Variants in CDK17 observed in about 807,000 individuals in gnomAD.
CDK17 encodes the protein cyclin-dependent kinase 17.
In CDK17, 24 loss-of-function variants were observed where a neutral mutation model predicts 77.6. The ratio of observed to expected loss-of-function variants is 0.31; its 90% CI spans 0.22 to 0.44. The LOEUF is 0.44. Ranked by LOEUF, CDK17 falls within the 20% of genes least tolerant of loss-of-function variation. The pLI is 1.00. For missense variants in CDK17, 429 were observed against 622.5 expected, an observed-to-expected ratio of 0.69 and a Z score of 3.31; for synonymous variants, 203 against 210.4, an observed-to-expected ratio of 0.96 and a Z score of 0.30.
At chr12:96,361,025 A>AG (rs1953485156) in intron 1 of CDK17, among the ~76,000 whole-genome samples, 1 of 152,218 alleles carries the variant, frequency 6.6e-6, no homozygotes, top group Non-Finnish European at 1.5e-5. Flanking sequence ...AGAGGAACAA[A>AG]GGGAAGTCGT....
At chr12:96,308,013 A>G (rs1952598263) in intron 5 of CDK17, among the ~76,000 whole-genome samples, 1 of 152,164 alleles carries the variant, frequency 6.6e-6, no homozygotes, top group Non-Finnish European at 1.5e-5. Context: ...CAATGTGCTC[A>G]TGGTATATAC....
chr12:96,309,275 T>G (rs1305777140), intron 5 of CDK17, among the ~76,000 whole-genome samples: 1 of 151,576 alleles, frequency 6.6e-6, no homozygotes, highest in Non-Finnish European at 1.5e-5. Flanking sequence ...TACAACACCC[T>G]TCATTCATAG....
chr12:96,282,453 C>T (rs1952189829), intron 15 of CDK17, 56 bp downstream of exon 15: 6 of 1,178,988 alleles, frequency 5.1e-6, no homozygotes, highest in Non-Finnish European at 7.6e-6. Flanking sequence ...CACCCCAGAC[C>T]CTAACCTTGG....
At chr12:96,388,636 A>T (rs1954014587) in intron 1 of CDK17, among the ~76,000 whole-genome samples, 1 of 152,218 alleles carries the variant, frequency 6.6e-6, no homozygotes, top group South Asian at 2.1e-4. Context: ...AATAGTTCTT[A>T]TTTTATAAAG....
intron 1 of CDK17, among the ~76,000 whole-genome samples, chr12:96,397,434 G>T (rs1332099289): frequency 6.6e-6 from 1 of 151,994 alleles, no homozygotes; most frequent in Non-Finnish European, 1.5e-5. Context: ...GGTAACCAGA[G>T]TACATATGAC....
intron 1 of CDK17, among the ~76,000 whole-genome samples, chr12:96,382,724 T>G (rs930328228): frequency 6.6e-6 from 1 of 152,166 alleles, no homozygotes; most frequent in African/African-American, 2.4e-5. Flanking sequence ...ACAATAAATG[T>G]GATTCACCAC....
At chr12:96,347,614 AAGGGAGGG>A (rs1316249704) in intron 1 of CDK17, among the ~76,000 whole-genome samples, 12 of 17,936 alleles carry the variant, frequency 6.7e-4, no homozygotes, top group Admixed American at 3.7e-3. Flanking sequence ...AAGGGAGGGG[AAGGGAGGG>A]GAAGGGAGGG....
rs1952653023 is a variant in CDK17 at position 96,312,165 on chromosome 12, G to T, written c.418-988C>A. ...ATGGTGGTGTGTGCCTGTAGTCCCA[G>T]CTACTTGGGGCTAAGGCAGGAGGAT... On this transcript the variant is annotated intron_variant, in intron 4 of 16. Transcript: ENST00000261211. 2.0e-5 allele frequency among the ~76,000 whole-genome samples: 3 copies of T among 152,132 alleles called. No homozygotes were observed. In the South Asian group the frequency reaches 6.2e-4, roughly 32 times the overall value.
chr12:96,305,757 C>T (rs757138733), intron 5 of CDK17, among the ~76,000 whole-genome samples: 5 of 152,004 alleles, frequency 3.3e-5, no homozygotes, highest in African/African-American at 4.8e-5. Flanking sequence ...CTTGCTCTGT[C>T]GACAAGGCTG....
intron 1 of CDK17, among the ~76,000 whole-genome samples, chr12:96,387,440 C>G (rs769707471): frequency 2.0e-5 from 3 of 152,204 alleles, no homozygotes; most frequent in Admixed American, 6.5e-5. Flanking sequence ...TACACAGTTA[C>G]AAGCATGCCT....
intron 2 of CDK17, among the ~76,000 whole-genome samples, chr12:96,325,907 C>G (rs556720869): frequency 1.3e-5 from 2 of 152,110 alleles, no homozygotes; most frequent in Non-Finnish European, 2.9e-5. Context: ...ACCTGTAGTC[C>G]CAGCTACTCA....
chr12:96,368,318 A>T (rs557468461), intron 1 of CDK17, among the ~76,000 whole-genome samples: 1 of 152,208 alleles, frequency 6.6e-6, no homozygotes, highest in Non-Finnish European at 1.5e-5. Flanking sequence ...AAGTGACTGA[A>T]CTGTTCCCTC....
At chr12:96,280,481 T>C (rs945536650) in intron 16 of CDK17, 2 of 1,410,756 alleles carry the variant, frequency 1.4e-6, no homozygotes, top group Non-Finnish European at 1.8e-6. Context: ...ACCTGATGAC[T>C]AGGGAAGCAC....
rs568903839 is a variant in CDK17 at position 96,313,799 on chromosome 12, T to C, written c.284-345A>G. 8.5e-5 allele frequency among the ~76,000 whole-genome samples: 13 copies of C among 152,296 alleles called. No homozygotes were observed. The East Asian group carries it at 2.3e-3, about 27-fold the overall frequency. On this transcript the variant is annotated intron_variant, in intron 3 of 16. Transcript: ENST00000261211. Reference sequence around the variant, plus strand: ...CTGAGACTTGAAAGGTTAAATGACTTTCAAAAGTTCACAAAGCTTAGATGC... The same window carrying C: ...CTGAGACTTGAAAGGTTAAATGACTCTCAAAAGTTCACAAAGCTTAGATGC...
chr12:96,352,655 A>C (rs1953329149), intron 1 of CDK17, among the ~76,000 whole-genome samples: 1 of 152,160 alleles, frequency 6.6e-6, no homozygotes, highest in African/African-American at 2.4e-5. Flanking sequence ...AACTGAACTG[A>C]CTCAGCCCCT....
intron 1 of CDK17, among the ~76,000 whole-genome samples, chr12:96,388,155 A>T (rs1052767354): frequency 1.3e-5 from 2 of 152,104 alleles, no homozygotes; most frequent in African/African-American, 2.4e-5. Flanking sequence ...CAAGAGTCAT[A>T]AACAAGGAAA....
intron 1 of CDK17, among the ~76,000 whole-genome samples, chr12:96,362,303 C>G (rs1170959778): frequency 1.3e-5 from 2 of 152,104 alleles, no homozygotes; most frequent in African/African-American, 4.8e-5. Context: ...ACTGCAACCT[C>G]TGCCTCCTGG....
intron 1 of CDK17, among the ~76,000 whole-genome samples, chr12:96,356,584 G>A (rs1418309533): frequency 1.3e-5 from 2 of 152,078 alleles, no homozygotes; most frequent in Non-Finnish European, 2.9e-5. Context: ...AAATTTAATT[G>A]GCTGCCTTTA....
chr12:96,388,171 T>A, intron 1 of CDK17, among the ~76,000 whole-genome samples: 1 of 149,916 alleles, frequency 6.7e-6, no homozygotes, highest in East Asian at 1.9e-4. Flanking sequence ...GGAAAGCAAA[T>A]ACTGTCTAGA....
Sources: allele counts gnomAD v4.1 joint callset (sites outside exome capture counted in the v4.1 genomes callset), GRCh38; gene constraint gnomAD v4.1.1; transcripts MANE v1.5; gene names NCBI Gene and HGNC (gene_info 2026-07-23, HGNC 2026-07-21).